The following ENOX1 variants were observed in gnomAD, a reference collection of about 807,000 sequenced individuals.
ENOX1 encodes ecto-NOX disulfide-thiol exchanger 1.
Under a neutral mutation model 82.5 loss-of-function variants are expected in ENOX1, and 42 were observed. The ratio of observed to expected loss-of-function variants is 0.51; its 90% CI spans 0.40 to 0.66. The LOEUF (loss-of-function observed/expected upper bound fraction) is 0.66, where lower values mean the gene tolerates loss of function less well. Ranked by LOEUF, ENOX1 falls within the 30% of genes least tolerant of loss-of-function variation. ENOX1 has a pLI of 0.00. For missense variants in ENOX1, 608 were observed against 811.6 expected, an observed-to-expected ratio of 0.75 and a Z score of 3.05; for synonymous variants, 271 against 282.2, an observed-to-expected ratio of 0.96 and a Z score of 0.40.
intron 3 of ENOX1, among the ~76,000 whole-genome samples, chr13:43,472,419 G>C (rs977765427): frequency 6.6e-6 from 1 of 152,150 alleles, no homozygotes; most frequent in African/African-American, 2.4e-5. Flanking sequence ...GAATGAGCTA[G>C]TAGAAAGGAA....
At chr13:43,763,332 C>T (rs772569607) in intron 1 of ENOX1, among the ~76,000 whole-genome samples, 35 of 152,124 alleles carry the variant, frequency 2.3e-4, no homozygotes, top group Non-Finnish European at 1.9e-4. Flanking sequence ...GTGTTCGTAC[C>T]GCATTTTCAC....
chr13:43,294,907 T>A (rs990476601), intron 12 of ENOX1, among the ~76,000 whole-genome samples: 12 of 152,162 alleles, frequency 7.9e-5, no homozygotes, highest in African/African-American at 2.9e-4. Context: ...CCTTATATGA[T>A]ATTCTGGAAA....
intron 1 of ENOX1, among the ~76,000 whole-genome samples, chr13:43,700,284 T>C (rs2086845279): frequency 6.6e-6 from 1 of 152,168 alleles, no homozygotes; most frequent in Non-Finnish European, 1.5e-5. Flanking sequence ...AATGGAATTT[T>C]AGAAATTCAT....
intron 3 of ENOX1, among the ~76,000 whole-genome samples, chr13:43,475,809 A>AAG (rs2058257202): frequency 6.6e-6 from 1 of 151,120 alleles, no homozygotes; most frequent in Non-Finnish European, 1.5e-5. Flanking sequence ...AAAAAAAAAA[A>AAG]AAAAAAGAAA....
chr13:43,375,539 G>A (rs1190229569), intron 5 of ENOX1, among the ~76,000 whole-genome samples: 1 of 152,222 alleles, frequency 6.6e-6, no homozygotes, highest in African/African-American at 2.4e-5. Context: ...CCAGTCCGTG[G>A]TGATGCAGAT....
chr13:43,724,045 G>A (rs1262968652), intron 1 of ENOX1, among the ~76,000 whole-genome samples: 1 of 152,118 alleles, frequency 6.6e-6, no homozygotes, highest in Non-Finnish European at 1.5e-5. Flanking sequence ...CTCAAACACA[G>A]TAGAAAAACA....
rs1001067674 is a variant in ENOX1 at position 43,213,557 on chromosome 13, T to G, written c.*433A>C. The G allele has an allele frequency of 6.8e-6, 1 of 146,908 alleles. No individual in the cohort carries two copies. Among genetic ancestry groups the G allele is most frequent in the African/African-American group, 2.5e-5 (1 of 40,272 alleles). 9.1% of individuals were successfully genotyped at this position (146,908 alleles called of 1,614,324 possible). A position where few individuals can be genotyped will look rare whatever the true frequency, so the allele number is the denominator to read the frequency against. The stretch of plus-strand genomic sequence containing the variant: ...CTTTTTCTTTTTCTTTTTTTTTTTT[T>G]TTTTTTTTTTACTAAAACAGAAAGA... On this transcript the variant is annotated 3_prime_UTR_variant, in exon 17 of 17. Coordinates refer to ENST00000690772, the MANE Select transcript of ENOX1 (RefSeq NM_001347969.2).
intron 1 of ENOX1, among the ~76,000 whole-genome samples, chr13:43,680,559 A>G (rs927173668): frequency 1.3e-5 from 2 of 152,212 alleles, no homozygotes; most frequent in Non-Finnish European, 2.9e-5. Context: ...TCCCAGGATC[A>G]GATCCCAACT....
intron 2 of ENOX1, among the ~76,000 whole-genome samples, chr13:43,495,761 A>G (rs1163149841): frequency 2.1e-5 from 3 of 143,528 alleles, no homozygotes; most frequent in African/African-American, 7.5e-5. Flanking sequence ...CTAGTTTTCA[A>G]AAAAATCCTG....
chr13:43,737,284 G>C (rs2089679659), intron 1 of ENOX1, among the ~76,000 whole-genome samples: 1 of 152,196 alleles, frequency 6.6e-6, no homozygotes, highest in African/African-American at 2.4e-5. Flanking sequence ...AATATGAATA[G>C]AGGTGTCACA....
chr13:43,472,043 A>AAG (rs1593374833), intron 3 of ENOX1, among the ~76,000 whole-genome samples: 1 of 151,784 alleles, frequency 6.6e-6, no homozygotes, highest in East Asian at 1.9e-4. Flanking sequence ...AAAAGAAAAA[A>AAG]AGAGAAAGCA....
At chr13:43,509,769 C>A (rs965865922) in intron 2 of ENOX1, among the ~76,000 whole-genome samples, 1 of 151,948 alleles carries the variant, frequency 6.6e-6, no homozygotes, top group Non-Finnish European at 1.5e-5. Flanking sequence ...AGGCAAACAT[C>A]TGAAATTCAA....
intron 1 of ENOX1, among the ~76,000 whole-genome samples, chr13:43,708,849 C>A (rs2087496276): frequency 6.6e-6 from 1 of 152,016 alleles, no homozygotes; most frequent in Admixed American, 6.6e-5. Flanking sequence ...TACACAAAAC[C>A]CACTAAGGGT....
At chr13:43,618,675 T>C (rs1031666017) in intron 2 of ENOX1, among the ~76,000 whole-genome samples, 1 of 152,188 alleles carries the variant, frequency 6.6e-6, no homozygotes, top group African/African-American at 2.4e-5. Flanking sequence ...GTGTGATGCC[T>C]CCAGATTTGT....
At chr13:43,615,066 C>T (rs933622851) in intron 2 of ENOX1, among the ~76,000 whole-genome samples, 2 of 152,050 alleles carry the variant, frequency 1.3e-5, no homozygotes, top group African/African-American at 4.8e-5. Context: ...TTCTTATGTA[C>T]AGGGCTATTT....
At chr13:43,772,787 G>C (rs1488461351) in intron 1 of ENOX1, among the ~76,000 whole-genome samples, 1 of 145,750 alleles carries the variant, frequency 6.9e-6, no homozygotes, top group African/African-American at 2.6e-5. Flanking sequence ...AAAGAGAAGA[G>C]AAGACAATAC....
intron 1 of ENOX1, among the ~76,000 whole-genome samples, chr13:43,688,056 A>G (rs2086165964): frequency 6.6e-6 from 1 of 152,024 alleles, no homozygotes. Context: ...GGCTCCAGCT[A>G]TTTTCCCATT....
At chr13:43,546,553 CT>C (rs2078981902) in intron 2 of ENOX1, 3 of 152,152 alleles carry the variant, frequency 2.0e-5, no homozygotes, top group African/African-American at 4.8e-5. Flanking sequence ...AATAAATCTC[CT>C]TTGCCGCCTC....
chr13:43,291,244 TC>T (rs2045982165), intron 12 of ENOX1, among the ~76,000 whole-genome samples: 1 of 152,174 alleles, frequency 6.6e-6, no homozygotes, highest in Non-Finnish European at 1.5e-5. Flanking sequence ...ATCCTTCCCA[TC>T]CCTGTGTCTG....
Sources: gnomAD v4.1 joint callset for allele counts (sites outside exome capture counted in the v4.1 genomes callset) on GRCh38, gnomAD v4.1.1 for gene constraint, MANE v1.5 for transcripts, NCBI Gene and HGNC (gene_info 2026-07-23, HGNC 2026-07-21) for gene names.